The following UGT2A1 variants were observed in gnomAD, a reference collection of about 807,000 sequenced individuals.
UGT2A1 encodes UDP-glucuronosyltransferase 2A1.
In UGT2A1, 61 loss-of-function variants were observed where a neutral mutation model predicts 45.4. The ratio of observed to expected loss-of-function variants is 1.34; its 90% CI spans 1.09 to 1.66. The LOEUF is 1.66. Among genes scored for constraint, UGT2A1 ranks in the 40% most tolerant of loss-of-function variants. UGT2A1 has a pLI of 0.00. For synonymous variants in UGT2A1, 229 were observed against 196.2 expected, an observed-to-expected ratio of 1.17 and a Z score of -1.40; for missense variants, 649 against 574.3, an observed-to-expected ratio of 1.13 and a Z score of -1.33.
intron 4 of UGT2A1, chr4:69,596,213 T>C (rs765231874): frequency 6.9e-7 from 1 of 1,459,470 alleles, no homozygotes; most frequent in Non-Finnish European, 9.1e-7. Flanking sequence ...CTCCCATTAG[T>C]AAAAAGCTGT....
chr4:69,650,729 A>G (rs958677356), intron 1 of UGT2A1, among the ~76,000 whole-genome samples: 1 of 152,156 alleles, frequency 6.6e-6, no homozygotes, highest in Non-Finnish European at 1.5e-5. Context: ...AAAATATACT[A>G]TCTTTTTCAT....
At chr4:69,646,135 C>T (rs1391570833) in intron 2 of UGT2A1, among the ~76,000 whole-genome samples, 12 of 151,576 alleles carry the variant, frequency 7.9e-5, no homozygotes, top group Non-Finnish European at 5.9e-5. Flanking sequence ...TTGTGAAATC[C>T]TTGAATCCAT....
intron 3 of UGT2A1, among the ~76,000 whole-genome samples, chr4:69,625,923 A>T (rs1721029052): frequency 6.6e-6 from 1 of 151,654 alleles, no homozygotes; most frequent in East Asian, 1.9e-4. Flanking sequence ...AGATGTTTAG[A>T]ATTGCAACAC....
rs1185023965 is a variant in UGT2A1 at position 69,603,993 on chromosome 4, G to T, written c.848-4599C>A. Among the ~76,000 whole-genome samples, 3 of 136,870 alleles carry T rather than the reference G, an allele frequency of 2.2e-5. 1 individual carries two copies. Among genetic ancestry groups the T allele is most frequent in the Non-Finnish European group, 4.7e-5 (3 of 64,290 alleles). 89.8% of individuals were successfully genotyped at this position (136,870 alleles called of 152,430 possible). On this transcript the variant is annotated intron_variant, in intron 3 of 6. Coordinates refer to ENST00000286604, the MANE Select transcript of UGT2A1 (RefSeq NM_001252275.3). ...ATGGAACCAAGTTGGAAAACACTCT[G>T]CAGGATATTATCCAGTAGAACCTCC...
At chr4:69,638,837 A>G in intron 2 of UGT2A1, 4 of 1,461,694 alleles carry the variant, frequency 2.7e-6, no homozygotes, top group East Asian at 2.5e-5. Flanking sequence ...ATCGTTTGCC[A>G]TATGACAATA....
intron 4 of UGT2A1, among the ~76,000 whole-genome samples, chr4:69,598,465 G>A (rs1259271461): frequency 6.6e-6 from 1 of 151,862 alleles, no homozygotes; most frequent in Non-Finnish European, 1.5e-5. Flanking sequence ...TCATATTGTA[G>A]CATACAATTT....
intron 6 of UGT2A1, among the ~76,000 whole-genome samples, chr4:69,592,771 TA>T (rs1317842394): frequency 2.0e-5 from 3 of 151,314 alleles, no homozygotes; most frequent in African/African-American, 4.9e-5. Flanking sequence ...GAAGTAAAGA[TA>T]AAAAATGGAA....
intron 3 of UGT2A1, among the ~76,000 whole-genome samples, chr4:69,623,376 A>G (rs755313233): frequency 3.3e-5 from 5 of 151,916 alleles, no homozygotes; most frequent in Admixed American, 2.0e-4. Context: ...AATTTTTGTG[A>G]GAATCATCTC....
At chr4:69,649,685 C>T (rs115456336) in intron 1 of UGT2A1, among the ~76,000 whole-genome samples, 2,714 of 152,144 alleles carry the variant, frequency 0.018, 84 homozygotes, top group African/African-American at 0.063. Context: ...CAGCAAAAGA[C>T]ATATACATAT....
intron 3 of UGT2A1, among the ~76,000 whole-genome samples, chr4:69,634,158 T>C (rs886378716): frequency 1.3e-5 from 2 of 151,970 alleles, no homozygotes; most frequent in African/African-American, 2.4e-5. Flanking sequence ...GGCAGGAGAA[T>C]GGCGTGAACC....
At chr4:69,651,731 G>A (rs1211043688) in intron 1 of UGT2A1, among the ~76,000 whole-genome samples, 1 of 152,194 alleles carries the variant, frequency 6.6e-6, no homozygotes, top group Non-Finnish European at 1.5e-5. Context: ...CCAGAGAGGA[G>A]CGACTGCCTG....
intron 1 of UGT2A1, among the ~76,000 whole-genome samples, chr4:69,652,443 C>T (rs1389767828): frequency 6.6e-6 from 1 of 151,916 alleles, no homozygotes; most frequent in Non-Finnish European, 1.5e-5. Context: ...ACCACCACAC[C>T]TGTCTAATTT....
chr4:69,602,611 CTGAAAT>C (rs1204010078), intron 3 of UGT2A1, among the ~76,000 whole-genome samples: 1 of 136,920 alleles, frequency 7.3e-6, no homozygotes, highest in Non-Finnish European at 1.6e-5. Flanking sequence ...AACATAGCAA[CTGAAAT>C]TTCTGTGCAC....
intron 1 of UGT2A1, among the ~76,000 whole-genome samples, chr4:69,648,576 T>C (rs1347623878): frequency 6.6e-6 from 1 of 151,988 alleles, no homozygotes; most frequent in Non-Finnish European, 1.5e-5. Flanking sequence ...CTTCCTTATT[T>C]TAAAAATTAT....
In UGT2A1 at chr4:69,624,466, T is replaced by C. The variant is rs139999005; in HGVS notation, c.847+11225A>G. 1.7e-4 allele frequency among the ~76,000 whole-genome samples: 26 copies of C among 151,676 alleles called. 1 individual carries two copies. The highest frequency in any genetic ancestry group is 1.4e-3 in the Admixed American group (21 of 15,172). Reference sequence around the variant, plus strand: ...TGTGAGAACTTTACATTTAATGTGATTATCTACATGTTTGAGTTGGGATTT... The same window carrying C: ...TGTGAGAACTTTACATTTAATGTGACTATCTACATGTTTGAGTTGGGATTT... On this transcript the variant is annotated intron_variant, in intron 3 of 6. Coordinates refer to ENST00000286604, the MANE Select transcript of UGT2A1 (RefSeq NM_001252275.3).
intron 3 of UGT2A1, among the ~76,000 whole-genome samples, chr4:69,612,899 C>G: frequency 1.0e-5 from 1 of 100,392 alleles, no homozygotes; most frequent in Non-Finnish European, 2.0e-5. Context: ...AAATAAAGAA[C>G]CTCTGCAGAA....
rs2109979714 is a variant in UGT2A1, at chr4:69,647,205, A to G, written c.440T>C (p.Leu147Pro). 6.2e-7 allele frequency: 1 copy of G among 1,613,318 alleles called. No individual in the cohort carries two copies. The highest frequency in any genetic ancestry group is 8.5e-7 in the Non-Finnish European group (1 of 1,179,462). The change falls in exon 2 of 7, where the codon CTG (leucine) becomes CCG (proline). Residue 147 changes from leucine (L) to proline (P), a missense_variant. Leu to Pro is a moderately conservative substitution (Grantham distance 98). Coordinates refer to ENST00000286604, the MANE Select transcript of UGT2A1 (RefSeq NM_001252275.3). ...ACAAGGAAATACTGGATCAGACACC[A>G]GGACTTCAAACTTGCTTTTCTTTAG... ...AKLKKSKFEV[L>P]VSDPVFPCGD...
intron 6 of UGT2A1, 26 bp from the exon 7 acceptor site, chr4:69,589,677 A>G: frequency 6.4e-7 from 1 of 1,568,374 alleles, no homozygotes; most frequent in Non-Finnish European, 8.7e-7. Flanking sequence ...ATAGGCAGAA[A>G]TTAGACAATT....
chr4:69,597,993 ATG>A, intron 4 of UGT2A1, among the ~76,000 whole-genome samples: 1 of 152,226 alleles, frequency 6.6e-6, no homozygotes, highest in South Asian at 2.1e-4. Flanking sequence ...ATATGTGTAT[ATG>A]TGTGTGTTTG....
Sources: gnomAD v4.1 joint callset for allele counts (sites outside exome capture counted in the v4.1 genomes callset) on GRCh38, gnomAD v4.1.1 for gene constraint, MANE v1.5 for transcripts, NCBI Gene and HGNC (gene_info 2026-07-23, HGNC 2026-07-21) for gene names.